The following CNTLN variants were observed in gnomAD, a reference collection of about 807,000 sequenced individuals.
The protein encoded by CNTLN is centlein, centrosomal protein.
In CNTLN, 212 loss-of-function variants were observed where a neutral mutation model predicts 180.0. The observed-to-expected ratio is 1.18, with a 90% CI of 1.05 to 1.32. The LOEUF is 1.32. Among genes scored for constraint, CNTLN ranks in the 40% most tolerant of loss-of-function variants. CNTLN has a pLI of 0.00. For missense variants in CNTLN, 2,095 were observed against 1,610.9 expected, an observed-to-expected ratio of 1.30 and a Z score of -5.14; for synonymous variants, 722 against 563.1, an observed-to-expected ratio of 1.28 and a Z score of -3.99.
chr9:17,274,014 T>G (rs1327064367), intron 6 of CNTLN, 148 bp downstream of exon 6: 6 of 627,074 alleles, frequency 9.6e-6, no homozygotes, highest in Non-Finnish European at 1.2e-5. Context: ...CTGGAGTTAT[T>G]TACACTAACT....
At chr9:17,291,036 G>C (rs1829366349) in intron 6 of CNTLN, among the ~76,000 whole-genome samples, 1 of 152,076 alleles carries the variant, frequency 6.6e-6, no homozygotes, top group Non-Finnish European at 1.5e-5. Context: ...CTCCTCCCCT[G>C]ATTTCTGCCT....
Position 17,234,417 on chromosome 9 carries a change from T to C in CNTLN, c.535-1241T>C, listed in dbSNP as rs1195478428. ...ATGATTGTGCCACTGCACTCCAGAG[T>C]GGGTGACATGACAGAGCGAGACCTG... is the stretch of plus-strand genomic sequence containing the variant. On this transcript the variant is annotated intron_variant, in intron 3 of 25. Transcript: ENST00000380647. Among the ~76,000 whole-genome samples the C allele has an allele frequency of 2.0e-5, 3 of 150,064 alleles. No homozygotes were observed. In the East Asian group the frequency reaches 6.0e-4, roughly 30 times the overall value.
intron 14 of CNTLN, among the ~76,000 whole-genome samples, chr9:17,390,974 A>G (rs954523716): frequency 6.6e-6 from 1 of 152,202 alleles, no homozygotes; most frequent in African/African-American, 2.4e-5. Context: ...CATAAGGGCC[A>G]CAGTTGACAC....
intron 2 of CNTLN, among the ~76,000 whole-genome samples, chr9:17,195,282 A>C (rs761881624): frequency 6.6e-6 from 1 of 152,228 alleles, no homozygotes; most frequent in Non-Finnish European, 1.5e-5. Flanking sequence ...GAGAGGTCAT[A>C]CTAATGATTT....
At chr9:17,153,376 G>T (rs1317850896) in intron 2 of CNTLN, among the ~76,000 whole-genome samples, 2 of 152,124 alleles carry the variant, frequency 1.3e-5, no homozygotes, top group Admixed American at 1.3e-4. Flanking sequence ...CTCAGCATTT[G>T]CTTGTCTGTA....
At chr9:17,191,133 CA>C (rs1439942429) in intron 2 of CNTLN, among the ~76,000 whole-genome samples, 1 of 152,176 alleles carries the variant, frequency 6.6e-6, no homozygotes, top group Non-Finnish European at 1.5e-5. Flanking sequence ...TCTTCTTAAA[CA>C]GCCATAACTA....
chr9:17,446,912 T>C (rs1490284343), intron 18 of CNTLN, among the ~76,000 whole-genome samples: 2 of 152,210 alleles, frequency 1.3e-5, no homozygotes, highest in Admixed American at 6.5e-5. Context: ...ATCAGCAGTC[T>C]TCATGAGACT....
intron 2 of CNTLN, among the ~76,000 whole-genome samples, chr9:17,176,424 T>G (rs903827815): frequency 1.3e-5 from 2 of 152,208 alleles, no homozygotes; most frequent in African/African-American, 4.8e-5. Context: ...TGAACCAGCT[T>G]TGCCTACTGG....
At chr9:17,171,602 G>T (rs926684937) in intron 2 of CNTLN, among the ~76,000 whole-genome samples, 7 of 152,114 alleles carry the variant, frequency 4.6e-5, no homozygotes, top group South Asian at 4.1e-4. Context: ...CCCTCTTGGT[G>T]CTGGGTCTAG....
intron 2 of CNTLN, among the ~76,000 whole-genome samples, chr9:17,209,394 G>A (rs925938541): frequency 6.6e-6 from 1 of 152,078 alleles, no homozygotes; most frequent in African/African-American, 2.4e-5. Flanking sequence ...GCGTATTCTG[G>A]ACCAGTTGGA....
chr9:17,366,129 AT>A (rs1823796538), intron 12 of CNTLN, among the ~76,000 whole-genome samples: 2 of 152,024 alleles, frequency 1.3e-5, no homozygotes, highest in South Asian at 4.2e-4. Context: ...TATTATTACT[AT>A]TTTTTATTTT....
chr9:17,405,830 C>T (rs1045270730), intron 15 of CNTLN, among the ~76,000 whole-genome samples: 3 of 151,170 alleles, frequency 2.0e-5, no homozygotes, highest in Admixed American at 6.6e-5. Flanking sequence ...CTCCTGTTGC[C>T]CTGGCTGGAG....
At chr9:17,306,141 CGTCTA>C (rs1818689074) in intron 7 of CNTLN, among the ~76,000 whole-genome samples, 1 of 135,198 alleles carries the variant, frequency 7.4e-6, no homozygotes, top group African/African-American at 2.9e-5. Flanking sequence ...TGCTATTAGT[CGTCTA>C]TTTTTTTTTT....
Position 17,502,825 on chromosome 9 carries a change from G to T in CNTLN, c.*173G>T. 2.8e-6 allele frequency: 1 copy of T among 355,852 alleles called. No individual in the cohort carries two copies. Among genetic ancestry groups the T allele is most frequent in the Non-Finnish European group, 5.2e-6 (1 of 193,754 alleles). The allele number at this position is 355,852 out of a possible 1,614,324, so 22.0% of individuals were successfully genotyped here. A position where few individuals can be genotyped will look rare whatever the true frequency, so the allele number is the denominator to read the frequency against. ...TTGCTGAACAAGTGAAACTAATTAA[G>T]TACATAGCCATTTAAAAGGAAATAG... On this transcript the variant is annotated 3_prime_UTR_variant, in exon 26 of 26. Transcript: ENST00000380647.
Position 17,463,007 on chromosome 9 carries a change from A to T in CNTLN, c.3398A>T (p.His1133Leu). 2 of 1,567,200 alleles carry T rather than the reference A, an allele frequency of 1.3e-6. No individual in the cohort carries two copies. Among genetic ancestry groups the T allele is most frequent in the Non-Finnish European group, 1.7e-6 (2 of 1,155,680 alleles). The change falls in exon 20 of 26, where the codon CAT (histidine) becomes CTT (leucine). Residue 1133 changes from histidine to leucine, a missense_variant. Physicochemically the swap from His to Leu is moderately conservative, Grantham distance 99. Transcript: ENST00000380647. ...LAKEEHIKEM[H>L]EKISRMERDI... ...AAAGAAGAACACATAAAGGAAATGC[A>T]TGAAAAGTATGGTTTTTGTATTTCT...
the CNTLN span, among the ~76,000 whole-genome samples, chr9:17,522,234 A>G: frequency 6.6e-6 from 1 of 152,192 alleles, no homozygotes; most frequent in African/African-American, 2.4e-5. Context: ...AATAAATGTC[A>G]GTTGCCTTCC....
At chr9:17,217,331 C>T (rs923901759) in intron 2 of CNTLN, among the ~76,000 whole-genome samples, 9 of 152,280 alleles carry the variant, frequency 5.9e-5, no homozygotes, top group Middle Eastern at 3.4e-3. Flanking sequence ...GAACATTGAA[C>T]GTAATTCAAC....
At chr9:17,434,400 A>G (rs1266088031) in intron 18 of CNTLN, among the ~76,000 whole-genome samples, 1 of 151,856 alleles carries the variant, frequency 6.6e-6, no homozygotes, top group Non-Finnish European at 1.5e-5. Context: ...GCTGCATCCC[A>G]TATTCTTTTA....
At chr9:17,479,831 CT>C (rs1408723098) in intron 23 of CNTLN, among the ~76,000 whole-genome samples, 1 of 151,962 alleles carries the variant, frequency 6.6e-6, no homozygotes, top group Non-Finnish European at 1.5e-5. Flanking sequence ...TGAAATGTAT[CT>C]TTTGAACAAA....
Sources: allele counts gnomAD v4.1 joint callset (sites outside exome capture counted in the v4.1 genomes callset), GRCh38; gene constraint gnomAD v4.1.1; transcripts MANE v1.5; gene names NCBI Gene and HGNC (gene_info 2026-07-23, HGNC 2026-07-21).